The following MERTK variants were observed in gnomAD, a reference collection of about 807,000 sequenced individuals.
MERTK encodes the protein tyrosine-protein kinase Mer.
In MERTK, 69 loss-of-function variants were observed where a neutral mutation model predicts 99.3. The observed-to-expected ratio is 0.70, with a 90% CI of 0.57 to 0.85. MERTK has a LOEUF of 0.85. Ranked by LOEUF, MERTK falls within the 40% of genes least tolerant of loss-of-function variation. The pLI is 0.00. For missense variants in MERTK, 1,125 were observed against 1,249.4 expected, an observed-to-expected ratio of 0.90 and a Z score of 1.50; for synonymous variants, 426 against 467.6, an observed-to-expected ratio of 0.91 and a Z score of 1.15.
At position 111,965,275 on chromosome 2, in the gene MERTK, A is replaced by C. The variant is rs1374202092; in HGVS notation, c.842A>C (p.Lys281Thr). The C allele has an allele frequency of 5.6e-6, 9 of 1,613,976 alleles. No individual in the cohort carries two copies. Among genetic ancestry groups the C allele is most frequent in the Non-Finnish European group, 7.6e-6 (9 of 1,179,976 alleles). The change falls in exon 5 of 19, where the codon AAA becomes ACA. Residue 281 changes from lysine to threonine, a missense_variant and splice_region_variant. By Grantham distance (78) the Lys-to-Thr change is moderately conservative (BLOSUM62 -1). Coordinates refer to ENST00000295408, the MANE Select transcript of MERTK (RefSeq NM_006343.3). ...TVSKGVQINIKAIPSPPTEVS... is the reference protein window; with the variant it reads ...TVSKGVQINITAIPSPPTEVS... Reference sequence around the variant, plus strand: ...TCCAAGGGAGTGCAGATCAACATCAAAGGTAAGCAGCAAGGCTAGGCTCCC... The same window carrying C: ...TCCAAGGGAGTGCAGATCAACATCACAGGTAAGCAGCAAGGCTAGGCTCCC...
intron 1 of MERTK, among the ~76,000 whole-genome samples, chr2:111,914,101 CTTTTTT>C (rs765850254): frequency 1.5e-4 from 14 of 94,442 alleles, no homozygotes; most frequent in Admixed American, 5.7e-4. Context: ...TTCTTTCTTT[CTTTTTT>C]TTTTTTTTTT....
intron 4 of MERTK, among the ~76,000 whole-genome samples, chr2:111,963,206 C>T (rs947143931): frequency 5.9e-5 from 9 of 152,324 alleles, no homozygotes; most frequent in Non-Finnish European, 8.8e-5. Context: ...GTATTGCTGC[C>T]GCATGTCCTA....
intron 2 of MERTK, chr2:111,940,361 C>G (rs902080618): frequency 3.8e-6 from 2 of 523,152 alleles, no homozygotes; most frequent in African/African-American, 3.9e-5. Flanking sequence ...ATTGCCTGAA[C>G]AGCTGCTATG....
chr2:111,909,226 G>A (rs1273450642), intron 1 of MERTK, among the ~76,000 whole-genome samples: 1 of 152,096 alleles, frequency 6.6e-6, no homozygotes, highest in Non-Finnish European at 1.5e-5. Context: ...GGTAACGCAG[G>A]CCTCTGTAAC....
intron 6 of MERTK, among the ~76,000 whole-genome samples, chr2:111,970,856 CCTTCTCCTCCTT>C (rs1676106055): frequency 1.5e-5 from 2 of 137,612 alleles, no homozygotes; most frequent in Admixed American, 7.5e-5. Context: ...TTCTCCTCCT[CCTTCTCCTCCTT>C]CTTCTCCTTC....
intron 1 of MERTK, 138 bp from the exon 2 acceptor site, chr2:111,928,982 G>A (rs1684618835): frequency 1.2e-6 from 1 of 816,248 alleles, no homozygotes; most frequent in Admixed American, 2.1e-5. Context: ...AGATGTGTGT[G>A]TTAATGAATT....
chr2:112,010,494 C>T (rs994530107), intron 15 of MERTK, among the ~76,000 whole-genome samples: 9 of 152,222 alleles, frequency 5.9e-5, no homozygotes, highest in Admixed American at 1.3e-4. Flanking sequence ...GAAGACTGCA[C>T]AACTGACATT....
intron 8 of MERTK, among the ~76,000 whole-genome samples, chr2:111,993,170 T>A (rs779695745): frequency 6.6e-6 from 1 of 152,170 alleles, no homozygotes; most frequent in Non-Finnish European, 1.5e-5. Context: ...TGCTTGTTTT[T>A]TTCTGCAGGG....
At chr2:111,995,571 T>C (rs951866288) in intron 9 of MERTK, 10 of 188,420 alleles carry the variant, frequency 5.3e-5, no homozygotes, top group African/African-American at 2.4e-4. Flanking sequence ...ATTACGTTCT[T>C]GCAGCACATA....
At chr2:111,972,913 A>T (rs1676153103) in intron 6 of MERTK, among the ~76,000 whole-genome samples, 1 of 152,104 alleles carries the variant, frequency 6.6e-6, no homozygotes, top group Admixed American at 6.6e-5. Context: ...TTTTGAAGGG[A>T]CCAAGTATGG....
chr2:112,003,966 G>A lies in MERTK; in HGVS notation c.1849G>A (p.Ala617Thr). The change falls in exon 13 of 19, where the codon GCA becomes ACA. Residue 617 changes from alanine to threonine, a missense_variant. Ala to Thr is a moderately conservative substitution (Grantham distance 58). Coordinates refer to ENST00000295408, the MANE Select transcript of MERTK (RefSeq NM_006343.3). ...KQEDGTSLKV[A>T]VKTMKLDNSS... Reference sequence around the variant, plus strand: ...GGAAGATGGGACCTCTCTGAAAGTGGCAGTGAAGACCATGAAGTGTGAGTT... The same window carrying A: ...GGAAGATGGGACCTCTCTGAAAGTGACAGTGAAGACCATGAAGTGTGAGTT... 4 of 1,613,300 alleles carry A rather than the reference G, an allele frequency of 2.5e-6. No homozygotes were observed. Among genetic ancestry groups the A allele is most frequent in the Non-Finnish European group, 3.4e-6 (4 of 1,179,324 alleles).
At chr2:111,922,167 C>G (rs1285012698) in intron 1 of MERTK, among the ~76,000 whole-genome samples, 1 of 152,198 alleles carries the variant, frequency 6.6e-6, no homozygotes, top group African/African-American at 2.4e-5. Flanking sequence ...TGCCACCTGC[C>G]CTGCTCAACC....
intron 1 of MERTK, among the ~76,000 whole-genome samples, chr2:111,915,732 C>G (rs1684339268): frequency 1.3e-5 from 2 of 151,946 alleles, no homozygotes; most frequent in South Asian, 4.2e-4. Context: ...CTCATCTCTA[C>G]TAAATACAAA....
At chr2:112,028,320 G>A in intron 18 of MERTK, 31 bp from the exon 19 acceptor site, 5 of 1,608,292 alleles carry the variant, frequency 3.1e-6, no homozygotes, top group Non-Finnish European at 4.3e-6. Context: ...GTGCCATGCT[G>A]GGAGACAATC....
At chr2:112,003,797 T>C (rs560201138) in intron 12 of MERTK, 107 bp from the exon 13 acceptor site, 19 of 1,016,254 alleles carry the variant, frequency 1.9e-5, no homozygotes, top group Admixed American at 1.4e-4. Context: ...TGCCCGTGGG[T>C]GAGTTGCTCT....
At chr2:111,926,579 T>C (rs1009222968) in intron 1 of MERTK, among the ~76,000 whole-genome samples, 34 of 147,864 alleles carry the variant, frequency 2.3e-4, no homozygotes, top group Non-Finnish European at 6.1e-5. Flanking sequence ...ATACACAGAT[T>C]AGCCGGGCAT....
At chr2:111,991,595 T>C (rs1676617332) in intron 8 of MERTK, among the ~76,000 whole-genome samples, 1 of 152,126 alleles carries the variant, frequency 6.6e-6, no homozygotes, top group African/African-American at 2.4e-5. Context: ...ATTTGTTCAC[T>C]TAATTAACAA....
Position 111,929,162 on chromosome 2 carries a change from TC to T in MERTK, c.107del (p.Pro36ArgfsTer28), listed in dbSNP as rs759734206. Reference protein sequence around the residue: ...AREEAKPYPLFPGPFPGSLQT... With the variant: ...AREEAKPYPLXPGPFPGSLQT... The stretch of plus-strand genomic sequence containing the variant: ...GAAGAAGCCAAGCCTTACCCGCTAT[TC>T]CCGGGACCTTTTCCAGGGAGCCTGC... On this transcript the variant is annotated frameshift_variant, in exon 2 of 19. Coordinates refer to ENST00000295408, the MANE Select transcript of MERTK (RefSeq NM_006343.3). LOFTEE classifies it high-confidence loss of function. 1 of 1,614,158 alleles carries T rather than the reference TC, an allele frequency of 6.2e-7. No homozygotes were observed. The highest frequency in any genetic ancestry group is 1.1e-5 in the South Asian group (1 of 91,078).
At chr2:111,926,349 A>T (rs975642566) in intron 1 of MERTK, among the ~76,000 whole-genome samples, 1 of 152,210 alleles carries the variant, frequency 6.6e-6, no homozygotes, top group Admixed American at 6.5e-5. Flanking sequence ...CTAACTCCTG[A>T]GTCCTCTGTA....
Sources: allele counts gnomAD v4.1 joint callset (sites outside exome capture counted in the v4.1 genomes callset), GRCh38; gene constraint gnomAD v4.1.1; transcripts MANE v1.5; gene names NCBI Gene and HGNC (gene_info 2026-07-23, HGNC 2026-07-21).